Variants in EHBP1 observed in about 807,000 individuals in gnomAD.
The protein encoded by EHBP1 is EH domain-binding protein 1.
EHBP1 carries 55 observed loss-of-function variants against 144.0 expected under a neutral mutation model. That is an observed-to-expected ratio of 0.38 (90% CI 0.31 to 0.48). The LOEUF (loss-of-function observed/expected upper bound fraction) is 0.48. Among genes scored for constraint, EHBP1 ranks in the 20% least tolerant of loss-of-function variants. The pLI is 0.98. For synonymous variants in EHBP1, 469 were observed against 472.7 expected, an observed-to-expected ratio of 0.99 and a Z score of 0.10; for missense variants, 1,200 against 1,364.2, an observed-to-expected ratio of 0.88 and a Z score of 1.90.
intron 13 of EHBP1, 78 bp from the exon 14 acceptor site, chr2:62,955,439 G>A (rs1232397251): frequency 2.2e-6 from 3 of 1,372,080 alleles, no homozygotes; most frequent in East Asian, 4.7e-5. Context: ...TCAGCAGATT[G>A]TCTAACCTTT....
At chr2:63,003,986 A>C (rs1000082892) in intron 19 of EHBP1, among the ~76,000 whole-genome samples, 1 of 152,096 alleles carries the variant, frequency 6.6e-6, no homozygotes, top group Non-Finnish European at 1.5e-5. Context: ...ATTTAGGGAC[A>C]TGTATCTGTT....
chr2:62,920,496 A>G (rs1161194033), intron 10 of EHBP1, among the ~76,000 whole-genome samples: 11 of 152,190 alleles, frequency 7.2e-5, no homozygotes, highest in Admixed American at 1.3e-4. Context: ...AAATGTTGAA[A>G]TGAAAGGGTA....
chr2:62,677,313 T>C (rs2033335173), intron 1 of EHBP1, among the ~76,000 whole-genome samples: 2 of 152,200 alleles, frequency 1.3e-5, no homozygotes, highest in Non-Finnish European at 2.9e-5. Context: ...TTCATTGCCA[T>C]TTCCCCCCCA....
chr2:62,866,622 A>G (rs1223840909), intron 9 of EHBP1, among the ~76,000 whole-genome samples: 2 of 152,184 alleles, frequency 1.3e-5, no homozygotes, highest in Non-Finnish European at 2.9e-5. Context: ...GATGAGGTTA[A>G]CCCCTTGTTA....
At position 62,988,111 on chromosome 2, in the gene EHBP1, C is replaced by CAAG. The variant is rs1157657758; in HGVS notation, c.2609-2603_2609-2602insGAA. The CAAG allele has an allele frequency of 4.9e-6, 4 of 810,218 alleles. No homozygotes were observed. The African/African-American group carries it at 5.4e-5, about 11-fold the overall frequency. 50.2% of individuals were successfully genotyped at this position (810,218 alleles called of 1,614,324 possible). On this transcript the variant is annotated intron_variant, in intron 15 of 22. Transcript: ENST00000431489. ...TATGGTTATATTTTTATTATCTCATCAATAATAATAATAATTTTGTAGTTT... is the reference window on the plus strand; with the variant it reads ...TATGGTTATATTTTTATTATCTCATCAAGAATAATAATAATAATTTTGTAGTTT...
At chr2:62,709,898 G>A (rs1343332739) in intron 2 of EHBP1, among the ~76,000 whole-genome samples, 3 of 151,996 alleles carry the variant, frequency 2.0e-5, no homozygotes, top group African/African-American at 7.2e-5. Flanking sequence ...TTTCATTTGA[G>A]AGAGGGACAG....
At chr2:62,958,125 G>A (rs1417440924) in intron 14 of EHBP1, among the ~76,000 whole-genome samples, 1 of 152,116 alleles carries the variant, frequency 6.6e-6, no homozygotes, top group Non-Finnish European at 1.5e-5. Flanking sequence ...CAGTAGGAAT[G>A]TAAAATGGTA....
chr2:62,963,840 T>A (rs2058113668), intron 14 of EHBP1, among the ~76,000 whole-genome samples: 1 of 152,208 alleles, frequency 6.6e-6, no homozygotes, highest in South Asian at 2.1e-4. Context: ...CCCAGGGCAC[T>A]GAAATGAAAA....
intron 19 of EHBP1, among the ~76,000 whole-genome samples, chr2:63,022,974 G>A (rs897444678): frequency 6.6e-6 from 1 of 152,098 alleles, no homozygotes; most frequent in Non-Finnish European, 1.5e-5. Context: ...AGGAATTCGA[G>A]ACCAGCCTGG....
chr2:63,013,693 C>T (rs1284031126), intron 19 of EHBP1, among the ~76,000 whole-genome samples: 1 of 152,158 alleles, frequency 6.6e-6, no homozygotes, highest in Non-Finnish European at 1.5e-5. Context: ...GACCACATGG[C>T]GCTAGCAAAA....
In EHBP1 at chr2:62,778,736, AAATTT is replaced by A. The variant is rs527270625; in HGVS notation, c.312+7347_312+7351del. Among the ~76,000 whole-genome samples the A allele has an allele frequency of 2.6e-3, 391 of 152,298 alleles. 3 individuals carry two copies. The highest frequency in any genetic ancestry group is 2.6e-3 in the Non-Finnish European group (177 of 68,018). On this transcript the variant is annotated intron_variant, in intron 5 of 22. Coordinates refer to ENST00000431489, the MANE Select transcript of EHBP1 (RefSeq NM_001142616.3). ...AAATCACAATGTTTCTGACCTTATT[AAATTT>A]AAGTTTAAATCCTTCTCCAAAATGA...
chr2:62,911,751 G>A (rs2054234678), intron 10 of EHBP1, among the ~76,000 whole-genome samples: 1 of 151,888 alleles, frequency 6.6e-6, no homozygotes, highest in African/African-American at 2.4e-5. Flanking sequence ...CGTGAGCCAC[G>A]GCACCCAGCC....
intron 1 of EHBP1, among the ~76,000 whole-genome samples, chr2:62,698,888 A>T (rs971422902): frequency 1.3e-5 from 2 of 152,148 alleles, no homozygotes; most frequent in Non-Finnish European, 2.9e-5. Flanking sequence ...TTCCAGCTCT[A>T]CTCATCTGGG....
chr2:62,909,267 C>T (rs2054020644), intron 10 of EHBP1, among the ~76,000 whole-genome samples: 1 of 152,032 alleles, frequency 6.6e-6, no homozygotes, highest in Non-Finnish European at 1.5e-5. Context: ...CAACCTCCAC[C>T]TCCCAGGCTC....
intron 10 of EHBP1, among the ~76,000 whole-genome samples, chr2:62,875,182 T>A (rs1344427879): frequency 6.6e-6 from 1 of 152,226 alleles, no homozygotes; most frequent in Non-Finnish European, 1.5e-5. Context: ...CCCATCAGTA[T>A]GGGCATGAAC....
chr2:62,865,463 G>A (rs1209679857), intron 9 of EHBP1, among the ~76,000 whole-genome samples: 2 of 152,126 alleles, frequency 1.3e-5, no homozygotes, highest in Non-Finnish European at 2.9e-5. Context: ...TGTAATTAGG[G>A]CTGCCATTTG....
At chr2:62,691,074 AGT>A (rs2033888692) in intron 1 of EHBP1, among the ~76,000 whole-genome samples, 1 of 152,238 alleles carries the variant, frequency 6.6e-6, no homozygotes, top group Admixed American at 6.5e-5. Flanking sequence ...TTTTTGAAAG[AGT>A]GAACTTGCCT....
Position 62,990,665 on chromosome 2 carries a change from A to G in EHBP1, c.2609-51A>G, listed in dbSNP as rs768801611. Reference sequence around the variant, plus strand: ...AGCTCACATAAAATTGACAGCCTACATATCTAAATGCATCTCACTCAGTTA... The same window carrying G: ...AGCTCACATAAAATTGACAGCCTACGTATCTAAATGCATCTCACTCAGTTA... On this transcript the variant is annotated intron_variant, in intron 15 of 22. Coordinates refer to ENST00000431489, the MANE Select transcript of EHBP1 (RefSeq NM_001142616.3). 6 of 1,586,896 alleles carry G rather than the reference A, an allele frequency of 3.8e-6. No individual in the cohort carries two copies. In the African/African-American group the frequency reaches 5.4e-5, roughly 14 times the overall value.
chr2:62,884,771 ATATC>A (rs1256237231), intron 10 of EHBP1, among the ~76,000 whole-genome samples: 2 of 152,236 alleles, frequency 1.3e-5, no homozygotes, highest in Non-Finnish European at 2.9e-5. Context: ...ATATGCCTGT[ATATC>A]TAAGTAGTTC....
Sources: allele counts gnomAD v4.1 joint callset (sites outside exome capture counted in the v4.1 genomes callset), GRCh38; gene constraint gnomAD v4.1.1; transcripts MANE v1.5; gene names NCBI Gene and HGNC (gene_info 2026-07-23, HGNC 2026-07-21).